The following PLXNB1 variants were observed in gnomAD, a reference collection of about 807,000 sequenced individuals.
PLXNB1 encodes the protein plexin B1, also known as plexin-B1.
Under a neutral mutation model 209.4 loss-of-function variants are expected in PLXNB1, and 106 were observed. The ratio of observed to expected loss-of-function variants is 0.51; its 90% CI spans 0.43 to 0.59. PLXNB1 has a LOEUF of 0.59. Among genes scored for constraint, PLXNB1 ranks in the 20% least tolerant of loss-of-function variants. PLXNB1 has a pLI of 0.00. For synonymous variants in PLXNB1, 1,167 were observed against 1,183.2 expected, an observed-to-expected ratio of 0.99 and a Z score of 0.28; for missense variants, 2,357 against 2,853.2, an observed-to-expected ratio of 0.83 and a Z score of 3.96.
At chr3:48,428,285 A>C (rs2038998709) in intron 1 of PLXNB1, among the ~76,000 whole-genome samples, 1 of 152,152 alleles carries the variant, frequency 6.6e-6, no homozygotes, top group Non-Finnish European at 1.5e-5. Flanking sequence ...ACCAGACCTC[A>C]CATCCCCAAC....
rs1409831787 is a variant in PLXNB1 at position 48,420,064 on chromosome 3, C to T, written c.2222G>A (p.Gly741Asp). The T allele has an allele frequency of 1.2e-6, 2 of 1,613,044 alleles. No individual in the cohort carries two copies. Among genetic ancestry groups the T allele is most frequent in the African/African-American group, 2.7e-5 (2 of 74,848 alleles). The change falls in exon 11 of 38, where the codon GGT becomes GAT. Residue 741 changes from glycine (G) to aspartate (D), a missense_variant. By Grantham distance (94) the Gly-to-Asp change is moderately conservative. Around this residue, in one of 7 missense-constraint regions of PLXNB1, gnomAD observed 410 missense variants for 401.0 expected, o/e 1.02. Transcript: ENST00000296440. Reference sequence around the variant, plus strand: ...GCCAGGGGAAGATATGGAGCCAGAACCTGCCCATGGCCCCCAGGGGCTGAG... The same window carrying T: ...GCCAGGGGAAGATATGGAGCCAGAATCTGCCCATGGCCCCCAGGGGCTGAG... ...SLLSPWGPWAGSGSISSPGST... is the reference protein window; with the variant it reads ...SLLSPWGPWADSGSISSPGST...
In PLXNB1 at chr3:48,409,489, C is replaced by T. The variant is rs750040541; in HGVS notation, c.5940-13G>A. The stretch of plus-strand genomic sequence containing the variant: ...CCTCAGAGGCAAGCTGCGGGTGGGG[C>T]AGGCATGGCCGATGAATGTGCTGGG... On this transcript the variant is annotated splice_polypyrimidine_tract_variant and intron_variant, in intron 33 of 37. Transcript: ENST00000296440. This position sits in a 1 kb window ranked among gnomAD's most constrained non-coding sequence, Gnocchi z 5.8. The T allele has an allele frequency of 4.0e-5, 64 of 1,614,002 alleles. No homozygotes were observed. The African/African-American group carries it at 7.7e-4, about 20-fold the overall frequency.
rs1276987886 is a variant in PLXNB1 at position 48,414,073 on chromosome 3, T to A, written c.4210-2A>T. ...CATTGCAAGGTCCAGGTTCTCCCCC[T>A]GGAACAGAGGGTCACCGATCAGTCA... On this transcript the variant is annotated splice_acceptor_variant, in intron 21 of 37. Transcript: ENST00000296440. LOFTEE classifies it high-confidence loss of function. 1 of 1,613,550 alleles carries A rather than the reference T, an allele frequency of 6.2e-7. No homozygotes were observed. Among genetic ancestry groups the A allele is most frequent in the Admixed American group, 1.7e-5 (1 of 60,004 alleles).
Position 48,419,860 on chromosome 3 carries a change from G to T in PLXNB1, c.2426C>A (p.Ala809Asp), listed in dbSNP as rs777797796. 3 of 1,568,922 alleles carry T rather than the reference G, an allele frequency of 1.9e-6. No individual in the cohort carries two copies. The highest frequency in any genetic ancestry group is 2.4e-5 in the South Asian group (2 of 84,164). The change falls in exon 11 of 38, where the codon GCT becomes GAT. Residue 809 changes from alanine (A) to aspartate (D), a missense_variant. Physicochemically the swap from Ala to Asp is moderately radical, Grantham distance 126. Around this residue, in one of 7 missense-constraint regions of PLXNB1, gnomAD observed 410 missense variants for 401.0 expected, o/e 1.02. Transcript: ENST00000296440. This position sits in a 1 kb window ranked among gnomAD's most constrained non-coding sequence, Gnocchi z 5.7. ...AVPPADPGPE[A>D]LHPTVPLDLP... ...GTCCAGGGGCACTGTGGGATGAAGA[G>T]CCTCGGGGCCAGGGTCTGCAGGGGG...
In PLXNB1 at chr3:48,421,381, A is replaced by C; in HGVS notation, c.1657T>G (p.Phe553Val). The part of the protein sequence containing the change: ...NISREETREV[F>V]LSVPDLPPLW... ...GGTGGCAGGTCTGGCACTGATAGGA[A>C]AACCTGCCAAGAGAGCCAGGGACAC... Residue 553 changes from phenylalanine to valine, a missense_variant, in exon 8 of 38, where the codon TTC (phenylalanine) becomes GTC (valine). Phe to Val is a conservative substitution (Grantham distance 50, BLOSUM62 -1). Around this residue, in one of 7 missense-constraint regions of PLXNB1, gnomAD observed 214 missense variants for 297.1 expected, o/e 0.72. Coordinates refer to ENST00000296440, the MANE Select transcript of PLXNB1 (RefSeq NM_001130082.3). 6.5e-7 allele frequency: 1 copy of C among 1,527,472 alleles called. No homozygotes were observed. The highest frequency in any genetic ancestry group is 8.8e-7 in the Non-Finnish European group (1 of 1,135,358). The allele number at this position is 1,527,472 out of a possible 1,614,324, so 94.6% of individuals were successfully genotyped here. A position where few individuals can be genotyped will look rare whatever the true frequency, so the allele number is the denominator to read the frequency against.
chr3:48,429,390 C>A lies in PLXNB1; in HGVS notation c.-60+618G>T, dbSNP rs1464512946. ...CCGGAGACCGAGGGGCGGAAAACTG[C>A]GCCCGCTGCCCGCCCCTCCCGCGCG... is the stretch of plus-strand genomic sequence containing the variant. On this transcript the variant is annotated intron_variant, in intron 1 of 37. Coordinates refer to ENST00000296440, the MANE Select transcript of PLXNB1 (RefSeq NM_001130082.3). This position sits in a 1 kb window ranked among gnomAD's most constrained non-coding sequence, Gnocchi z 6.4. 2 of 151,236 alleles carry A rather than the reference C, an allele frequency of 1.3e-5. No individual in the cohort carries two copies. The highest frequency in any genetic ancestry group is 3.0e-5 in the Non-Finnish European group (2 of 67,672). The allele number at this position is 151,236 out of a possible 1,614,324, so 9.4% of individuals were successfully genotyped here. A position where few individuals can be genotyped will look rare whatever the true frequency, so the allele number is the denominator to read the frequency against.
In PLXNB1 at chr3:48,414,017, C is replaced by T. The variant is rs2037890376; in HGVS notation, c.4264G>A (p.Asp1422Asn). Residue 1422 changes from aspartate to asparagine, a missense_variant, in exon 22 of 38, where the codon GAT becomes AAT. Asp to Asn is a conservative substitution (Grantham distance 23, BLOSUM62 1). Transcript: ENST00000296440. Reference protein sequence around the residue: ...SKEEVVAMIGDGPCVVKTLTR... With the variant: ...SKEEVVAMIGNGPCVVKTLTR... Reference sequence around the variant, plus strand: ...AGCGTCTTCACCACACAGGGGCCATCCCCTATCATAGCCACCACCTCCTCC... The same window carrying T: ...AGCGTCTTCACCACACAGGGGCCATTCCCTATCATAGCCACCACCTCCTCC... 5.0e-6 allele frequency: 8 copies of T among 1,613,882 alleles called. No individual in the cohort carries two copies. Among genetic ancestry groups the T allele is most frequent in the South Asian group, 1.1e-5 (1 of 91,090 alleles).
At chr3:48,421,067 A>C in intron 8 of PLXNB1, 111 bp from the exon 9 acceptor site, 1 of 1,258,792 alleles carries the variant, frequency 7.9e-7, no homozygotes, top group Non-Finnish European at 1.1e-6. Flanking sequence ...GAGGGAATAC[A>C]GTCCAAGGGC....
In PLXNB1 at chr3:48,420,836, C is replaced by T. The variant is rs1361743153; in HGVS notation, c.1919+12G>A. 18 of 1,612,460 alleles carry T rather than the reference C, an allele frequency of 1.1e-5. No homozygotes were observed. Among genetic ancestry groups the T allele is most frequent in the Non-Finnish European group, 1.4e-5 (17 of 1,178,622 alleles). On this transcript the variant is annotated intron_variant, in intron 9 of 37. Coordinates refer to ENST00000296440, the MANE Select transcript of PLXNB1 (RefSeq NM_001130082.3). ...GGGAAGCCCAGGCCTGGGGACAGGG[C>T]GAGGAACTCACTGCGCAGATGGGCG...
chr3:48,421,716 T>C lies in PLXNB1; in HGVS notation c.1611A>G (p.Ala537=). Residue 537 remains alanine, a synonymous_variant, in exon 7 of 38, where the codon GCA becomes GCG. Coordinates refer to ENST00000296440, the MANE Select transcript of PLXNB1 (RefSeq NM_001130082.3). ...GGCTGATGTTGGCAGGACTCATGGC[T>C]GCCACTTGCAGACAGCCCAGCTCAG... ...FQPELGCLQV[A]AMSPANISRE... 1 of 1,609,948 alleles carries C rather than the reference T, an allele frequency of 6.2e-7. No individual in the cohort carries two copies.
In PLXNB1 at chr3:48,405,874, G is replaced by A. The variant is rs1439633852; in HGVS notation, c.6229-76C>T. 1 of 1,167,034 alleles carries A rather than the reference G, an allele frequency of 8.6e-7. No homozygotes were observed. The highest frequency in any genetic ancestry group is 1.3e-6 in the Non-Finnish European group (1 of 786,580). The allele number at this position is 1,167,034 out of a possible 1,614,324, so 72.3% of individuals were successfully genotyped here. On this transcript the variant is annotated intron_variant, in intron 36 of 37. Coordinates refer to ENST00000296440, the MANE Select transcript of PLXNB1 (RefSeq NM_001130082.3). This position sits in a 1 kb window ranked among gnomAD's most constrained non-coding sequence, Gnocchi z 5.0. The stretch of plus-strand genomic sequence containing the variant: ...CACAGGAGGCAGCCCAGGACCCCAG[G>A]GAAGGGCTGGGGGAGAAGGGGACCT...
chr3:48,421,916 G>C, intron 6 of PLXNB1, 110 bp from the exon 7 acceptor site: 1 of 1,474,408 alleles, frequency 6.8e-7, no homozygotes, highest in Non-Finnish European at 9.1e-7. Context: ...GAGTGGGCAT[G>C]ATAGAGGCTC....
In PLXNB1 at chr3:48,415,693, G is replaced by A. The variant is rs750133580; in HGVS notation, c.3684C>T (p.Leu1228=). ...ETSPRPTPAT[L]PVAVWFGATE... ...TGGCCCCAAACCACACAGCCACAGGGAGCGTGGCAGGCGTGGGGCGTGGGC... is the reference window on the plus strand; with the variant it reads ...TGGCCCCAAACCACACAGCCACAGGAAGCGTGGCAGGCGTGGGGCGTGGGC... Residue 1228 remains leucine, a synonymous_variant, in exon 19 of 38, where the codon CTC becomes CTT. Transcript: ENST00000296440. This position sits in a 1 kb window ranked among gnomAD's most constrained non-coding sequence, Gnocchi z 5.0. 1.1e-5 allele frequency: 17 copies of A among 1,556,946 alleles called. No individual in the cohort carries two copies. The highest frequency in any genetic ancestry group is 1.4e-5 in the Non-Finnish European group (16 of 1,149,694).
At position 48,411,174 on chromosome 3, in the gene PLXNB1, T is replaced by C; in HGVS notation, c.5248-138A>G. On this transcript the variant is annotated intron_variant, in intron 28 of 37. Coordinates refer to ENST00000296440, the MANE Select transcript of PLXNB1 (RefSeq NM_001130082.3). This position sits in a 1 kb window ranked among gnomAD's most constrained non-coding sequence, Gnocchi z 4.0. ...CACACAATCCCTAATTCTCGTCTCT[T>C]CACCTGCCTGCCTTCCCCAGGGACA... is the stretch of plus-strand genomic sequence containing the variant. 1.4e-6 allele frequency: 1 copy of C among 716,606 alleles called. No individual in the cohort carries two copies. Among genetic ancestry groups the C allele is most frequent in the South Asian group, 2.0e-5 (1 of 49,378 alleles). The allele number at this position is 716,606 out of a possible 1,614,324, so 44.4% of individuals were successfully genotyped here.
rs906265972 is a variant in PLXNB1, at chr3:48,429,820, G to A, written c.-60+188C>T. Among the ~76,000 whole-genome samples, 1 of 151,992 alleles carries A rather than the reference G, an allele frequency of 6.6e-6. No individual in the cohort carries two copies. The highest frequency in any genetic ancestry group is 2.4e-5 in the African/African-American group (1 of 41,398). ...GCCAGGAGCCGAGGCGGGGGGTCGC[G>A]CTCCGCACCCGCAGGTGCTGGTGGA... is the stretch of plus-strand genomic sequence containing the variant. On this transcript the variant is annotated intron_variant, in intron 1 of 37. Transcript: ENST00000296440. This position sits in a 1 kb window ranked among gnomAD's most constrained non-coding sequence, Gnocchi z 6.4.
At position 48,422,153 on chromosome 3, in the gene PLXNB1, C is replaced by A; in HGVS notation, c.1472G>T (p.Cys491Phe). Residue 491 changes from cysteine to phenylalanine, a missense_variant, in exon 6 of 38, where the codon TGC becomes TTC. By Grantham distance (205) the Cys-to-Phe change is radical (BLOSUM62 -2). This residue lies in a region of PLXNB1 where 214 missense variants were observed against 297.1 expected (regional missense o/e 0.72). Transcript: ENST00000296440. ...ACAGTATGGGTCCCTGTGAGCAAGG[C>A]AAGATGCACAGTCCAGGTGCTGAGC... ...SCAQHLDCAS[C>F]LAHRDPYCGW... 1 of 1,614,174 alleles carries A rather than the reference C, an allele frequency of 6.2e-7. No homozygotes were observed. The highest frequency in any genetic ancestry group is 8.5e-7 in the Non-Finnish European group (1 of 1,180,014).
In PLXNB1 at chr3:48,412,306, T is replaced by A. The variant is rs757229268; in HGVS notation, c.5034-2A>T. The A allele has an allele frequency of 1.2e-6, 2 of 1,613,958 alleles. No individual in the cohort carries two copies. The highest frequency in any genetic ancestry group is 3.3e-5 in the Admixed American group (2 of 60,024). On this transcript the variant is annotated splice_acceptor_variant, in intron 26 of 37. Transcript: ENST00000296440. LOFTEE classifies it high-confidence loss of function. ...AGCTTCTCCACCACAGTCTCTGTCC[T>A]GAGATGATGGGAAAGGGGAGTGCCA...
In PLXNB1 at chr3:48,412,852, C is replaced by T. The variant is rs778095977; in HGVS notation, c.4744G>A (p.Glu1582Lys). ...CCCAGGTCCCGGTGCAAGGGCGACT[C>T]GCGGTGCCCAGGGAAGAAGATCCTC... ...AERIFFPGHR[E>K]SPLHRDLGVP... Residue 1582 changes from glutamate (E) to lysine (K), a missense_variant, in exon 25 of 38, where the codon GAG becomes AAG. Coordinates refer to ENST00000296440, the MANE Select transcript of PLXNB1 (RefSeq NM_001130082.3). 74 of 1,613,642 alleles carry T rather than the reference C, an allele frequency of 4.6e-5. No individual in the cohort carries two copies. In the South Asian group the frequency reaches 6.9e-4, roughly 15 times the overall value.
intron 10 of PLXNB1, among the ~76,000 whole-genome samples, 182 bp from the exon 11 acceptor site, chr3:48,420,439 G>A (rs2038431726): frequency 6.6e-6 from 1 of 152,160 alleles, no homozygotes; most frequent in Admixed American, 6.5e-5. Context: ...TCTGTGCCGA[G>A]GTGGGGCATG....
Sources: allele counts gnomAD v4.1 joint callset (sites outside exome capture counted in the v4.1 genomes callset), GRCh38; gene constraint gnomAD v4.1.1; regional missense constraint gnomAD v4.1.1; non-coding constraint Gnocchi (gnomAD v3.1); transcripts MANE v1.5; gene names NCBI Gene and HGNC (gene_info 2026-07-23, HGNC 2026-07-21).